The following MYOM2 variants were observed in gnomAD, a reference collection of about 807,000 sequenced individuals.
The protein encoded by MYOM2 is myomesin 2.
MYOM2 carries 254 observed loss-of-function variants against 187.6 expected under a neutral mutation model. That is an observed-to-expected ratio of 1.35 (90% confidence interval 1.22 to 1.50). The LOEUF (loss-of-function observed/expected upper bound fraction) is 1.50. Ranked by LOEUF, MYOM2 falls within the 40% of genes most tolerant of loss-of-function variation. The probability of loss-of-function intolerance (pLI) is 0.00; values close to 1 mark genes in which losing one functional copy is unlikely to be tolerated. For missense variants in MYOM2, 2,796 were observed against 1,924.0 expected, an observed-to-expected ratio of 1.45 and a Z score of -8.48; for synonymous variants, 981 against 753.8, an observed-to-expected ratio of 1.30 and a Z score of -4.94.
chr8:2,048,835 GC>G (rs1818390026), intron 1 of MYOM2, among the ~76,000 whole-genome samples: 1 of 150,778 alleles, frequency 6.6e-6, no homozygotes, highest in Non-Finnish European at 1.5e-5. Flanking sequence ...TGTCACCCAG[GC>G]TGGAATGCAG....
chr8:2,085,509 C>CGTGGCCCCTCACTGTCGTGATCTCT (rs1563444373), intron 14 of MYOM2, 119 bp downstream of exon 14: 1 of 421,908 alleles, frequency 2.4e-6, no homozygotes, highest in Non-Finnish European at 3.1e-6. Context: ...TTGTGATCTC[C>CGTGGCCCCTCACTGTCGTGATCTCT]GCGTGGCCCC....
chr8:2,076,639 G>A (rs569873288), intron 11 of MYOM2: 1 of 196,388 alleles, frequency 5.1e-6, no homozygotes, highest in African/African-American at 2.3e-5. Context: ...GGCTTTAGCA[G>A]AATTAAAGCT....
In MYOM2 at chr8:2,106,313, A is replaced by AC; in HGVS notation, c.2807dup (p.Asp937ArgfsTer9). ...TCTGGGCTTCGACTGCCAGGAAATG[A>AC]CAGACGCGTCTCAGTTCACCTGGTG... is the stretch of plus-strand genomic sequence containing the variant. On this transcript the variant is annotated frameshift_variant, in exon 22 of 37. Coordinates refer to ENST00000262113, the MANE Select transcript of MYOM2 (RefSeq NM_003970.4). LOFTEE classifies it high-confidence loss of function. The AC allele has an allele frequency of 6.2e-7, 1 of 1,614,176 alleles. No homozygotes were observed. The highest frequency in any genetic ancestry group is 8.5e-7 in the Non-Finnish European group (1 of 1,179,990).
intron 14 of MYOM2, among the ~76,000 whole-genome samples, chr8:2,086,723 C>T (rs147946082): frequency 3.9e-5 from 6 of 152,220 alleles, no homozygotes; most frequent in East Asian, 1.9e-4. Context: ...CCTCTCTGGG[C>T]GCCCGCGTTC....
intron 2 of MYOM2, 143 bp from the exon 3 acceptor site, chr8:2,052,015 A>G (rs1818505931): frequency 1.0e-6 from 1 of 968,466 alleles, no homozygotes; most frequent in South Asian, 1.6e-5. Context: ...CATGCCTCTC[A>G]TATGCCTGTG....
At chr8:2,086,418 ACTGTTG>A (rs1796062981) in intron 14 of MYOM2, among the ~76,000 whole-genome samples, 11 of 131,078 alleles carry the variant, frequency 8.4e-5, no homozygotes, top group African/African-American at 2.4e-4. Flanking sequence ...GTGGCCTCCC[ACTGTTG>A]TGATCTCTGC....
At chr8:2,134,211 G>A (rs187280392) in intron 32 of MYOM2, among the ~76,000 whole-genome samples, 1 of 152,190 alleles carries the variant, frequency 6.6e-6, no homozygotes. Flanking sequence ...TAGGTGTCCT[G>A]GCTCCTGGTT....
At chr8:2,141,415 T>C (rs1170286083) in intron 34 of MYOM2, among the ~76,000 whole-genome samples, 1 of 152,164 alleles carries the variant, frequency 6.6e-6, no homozygotes, top group Non-Finnish European at 1.5e-5. Context: ...ATTTCGGAAA[T>C]CATTATTGTG....
intron 3 of MYOM2, among the ~76,000 whole-genome samples, chr8:2,053,482 A>G (rs999533967): frequency 3.3e-5 from 5 of 152,330 alleles, no homozygotes; most frequent in Non-Finnish European, 5.9e-5. Flanking sequence ...TTAAACATTG[A>G]TGTGAACTTG....
intron 32 of MYOM2, among the ~76,000 whole-genome samples, chr8:2,135,952 G>T (rs780707923): frequency 6.6e-6 from 1 of 152,048 alleles, no homozygotes; most frequent in Non-Finnish European, 1.5e-5. Context: ...CTGAAGCTGG[G>T]AGTGGGAAGC....
intron 25 of MYOM2, 48 bp from the exon 26 acceptor site, chr8:2,115,912 G>C (rs1403812588): frequency 6.3e-7 from 1 of 1,586,058 alleles, no homozygotes; most frequent in African/African-American, 1.4e-5. Flanking sequence ...GGGAAAACTA[G>C]GAGAGATTTC....
chr8:2,104,870 G>A (rs944539623), intron 21 of MYOM2, among the ~76,000 whole-genome samples: 1 of 152,172 alleles, frequency 6.6e-6, no homozygotes, highest in Non-Finnish European at 1.5e-5. Flanking sequence ...TTATTAGCAA[G>A]AATCTACCCA....
At position 2,129,124 on chromosome 8, in the gene MYOM2, C is replaced by T. The variant is rs1797761138; in HGVS notation, c.3695-3C>T. ...AGATCTGAGGATGTTTTATTTTCTG[C>T]AGGGAAATCTGCTTCGCCACTGAAG... On this transcript the variant is annotated splice_region_variant and splice_polypyrimidine_tract_variant and intron_variant, in intron 31 of 36. Coordinates refer to ENST00000262113, the MANE Select transcript of MYOM2 (RefSeq NM_003970.4). 7 of 1,595,576 alleles carry T rather than the reference C, an allele frequency of 4.4e-6. No individual in the cohort carries two copies. The highest frequency in any genetic ancestry group is 1.7e-5 in the Admixed American group (1 of 59,798).
intron 3 of MYOM2, among the ~76,000 whole-genome samples, chr8:2,055,653 G>A (rs748448208): frequency 6.6e-6 from 1 of 152,158 alleles, no homozygotes; most frequent in Admixed American, 6.5e-5. Context: ...TTCTGATTGC[G>A]AACTTCCCAA....
intron 1 of MYOM2, among the ~76,000 whole-genome samples, chr8:2,047,805 C>T (rs1462119357): frequency 6.6e-6 from 1 of 152,240 alleles, no homozygotes; most frequent in East Asian, 1.9e-4. Context: ...GATCCCAGCT[C>T]TGCCTTGCTA....
chr8:2,069,179 G>C (rs1275347674), intron 6 of MYOM2, 99 bp from the exon 7 acceptor site: 3 of 1,138,414 alleles, frequency 2.6e-6, no homozygotes, highest in Non-Finnish European at 1.3e-6. Context: ...AATAAACCAC[G>C]CCATGTGATT....
At chr8:2,083,556 T>A (rs1241072695) in intron 13 of MYOM2, among the ~76,000 whole-genome samples, 1 of 152,220 alleles carries the variant, frequency 6.6e-6, no homozygotes. Context: ...CTTAGCGGTG[T>A]CTCTCGTGTG....
rs1295289035 is a variant in MYOM2 at position 2,096,342 on chromosome 8, C to T, written c.2221C>T (p.Pro741Ser). Reference sequence around the variant, plus strand: ...GGTCCCGAAATTCAGTGGTGGCTCGCCCATCCTGGGCTACTACCTGGACAA... The same window carrying T: ...GGTCCCGAAATTCAGTGGTGGCTCGTCCATCCTGGGCTACTACCTGGACAA... ...WKVPKFSGGSPILGYYLDKRE... is the reference protein window; with the variant it reads ...WKVPKFSGGSSILGYYLDKRE... The change falls in exon 18 of 37, where the codon CCC (proline) becomes TCC (serine). Residue 741 changes from proline (P) to serine (S), a missense_variant. By Grantham distance (74) the Pro-to-Ser change is moderately conservative. Coordinates refer to ENST00000262113, the MANE Select transcript of MYOM2 (RefSeq NM_003970.4). The T allele has an allele frequency of 6.2e-7, 1 of 1,614,202 alleles. No homozygotes were observed. The highest frequency in any genetic ancestry group is 1.7e-5 in the Admixed American group (1 of 60,030).
chr8:2,065,953 G>C (rs900829726), intron 6 of MYOM2, among the ~76,000 whole-genome samples: 1 of 152,190 alleles, frequency 6.6e-6, no homozygotes, highest in East Asian at 1.9e-4. Context: ...GAGAGCCGTG[G>C]GGCGCAGTGT....
Sources: gnomAD v4.1 joint callset for allele counts (sites outside exome capture counted in the v4.1 genomes callset) on GRCh38, gnomAD v4.1.1 for gene constraint, MANE v1.5 for transcripts, NCBI Gene and HGNC (gene_info 2026-07-23, HGNC 2026-07-21) for gene names.